RGSL1: variants seen among roughly 807,000 people sequenced by gnomAD.
The protein encoded by RGSL1 is regulator of G protein signaling like 1.
In RGSL1, 97 loss-of-function variants were observed where a neutral mutation model predicts 124.7. The observed-to-expected ratio is 0.78, with a 90% CI of 0.66 to 0.92. The LOEUF is 0.92. Ranked by LOEUF, RGSL1 falls within the 40% of genes least tolerant of loss-of-function variation. RGSL1 has a pLI of 0.00. For synonymous variants in RGSL1, 424 were observed against 438.1 expected, an observed-to-expected ratio of 0.97 and a Z score of 0.40; for missense variants, 1,233 against 1,288.4, an observed-to-expected ratio of 0.96 and a Z score of 0.66.
intron 6 of RGSL1, 31 bp from the exon 7 acceptor site, chr1:182,488,254 T>A: frequency 6.5e-7 from 1 of 1,547,054 alleles, no homozygotes; most frequent in Non-Finnish European, 8.8e-7. Flanking sequence ...ACCATCCACC[T>A]CATAATGCAT....
At chr1:182,469,975 G>A (rs1653689418) in intron 4 of RGSL1, among the ~76,000 whole-genome samples, 1 of 152,098 alleles carries the variant, frequency 6.6e-6, no homozygotes, top group Non-Finnish European at 1.5e-5. Flanking sequence ...AGAGAAAGAA[G>A]TAGAATGGTG....
At chr1:182,484,890 T>C (rs915503577) in intron 6 of RGSL1, among the ~76,000 whole-genome samples, 20 of 152,154 alleles carry the variant, frequency 1.3e-4, no homozygotes, top group Non-Finnish European at 2.8e-4. Flanking sequence ...GGGGGTGGTT[T>C]GGCAGCAGTT....
chr1:182,523,144 C>T (rs561439280), intron 10 of RGSL1, among the ~76,000 whole-genome samples: 2 of 151,890 alleles, frequency 1.3e-5, no homozygotes, highest in South Asian at 4.2e-4. Flanking sequence ...TCAAGTGATC[C>T]ACGTGCTTCA....
intron 6 of RGSL1, among the ~76,000 whole-genome samples, chr1:182,487,468 T>C (rs188133815): frequency 1.3e-5 from 2 of 152,322 alleles, no homozygotes; most frequent in Admixed American, 6.5e-5. Flanking sequence ...CCTATCCCGA[T>C]GCCTTTGCTT....
At chr1:182,522,501 G>T (rs1431526755) in intron 10 of RGSL1, among the ~76,000 whole-genome samples, 1 of 152,034 alleles carries the variant, frequency 6.6e-6, no homozygotes, top group African/African-American at 2.4e-5. Flanking sequence ...TCTGGATTAT[G>T]TACTGCTGTA....
At chr1:182,547,560 G>T (rs1660289731) in intron 15 of RGSL1, among the ~76,000 whole-genome samples, 1 of 151,988 alleles carries the variant, frequency 6.6e-6, no homozygotes, top group South Asian at 2.1e-4. Flanking sequence ...TTATTCTCCT[G>T]CCTAAAATGT....
chr1:182,508,672 G>T (rs71516936), intron 9 of RGSL1, among the ~76,000 whole-genome samples: 141 of 13,778 alleles, frequency 0.01, 10 homozygotes, highest in South Asian at 0.024. Context: ...TTGACTATTT[G>T]TTTTTTTTTT....
intron 18 of RGSL1, among the ~76,000 whole-genome samples, chr1:182,552,117 A>AT (rs202109914): frequency 0.15 from 21,432 of 146,524 alleles, 1,860 homozygotes; most frequent in Middle Eastern, 0.24. Flanking sequence ...GCAAAAGGGA[A>AT]TTTTTTTTTT....
At chr1:182,529,291 C>T (rs565260371) in intron 11 of RGSL1, among the ~76,000 whole-genome samples, 56 of 152,274 alleles carry the variant, frequency 3.7e-4, no homozygotes, top group Middle Eastern at 3.4e-3. Flanking sequence ...AGCTTGTACA[C>T]TTGGTAGAAC....
rs1351943861 is a variant in RGSL1, at chr1:182,509,530, G to A, written c.1826-12474G>A. ...TCCCTCCCGGACGGGGCAGCTGGCC[G>A]GGTGGGGGGGCTGACGCCCCCATCT... On this transcript the variant is annotated intron_variant, in intron 9 of 21. Coordinates refer to ENST00000294854, the MANE Select transcript of RGSL1 (RefSeq NM_001137669.2). Among the ~76,000 whole-genome samples, 9 of 103,724 alleles carry A rather than the reference G, an allele frequency of 8.7e-5. No homozygotes were observed. In the East Asian group the frequency reaches 1.0e-3, roughly 12 times the overall value. 68.0% of individuals were successfully genotyped at this position (103,724 alleles called of 152,430 possible).
Position 182,554,698 on chromosome 1 carries a change from G to C in RGSL1, c.3197+5G>C. On this transcript the variant is annotated splice_donor_5th_base_variant and intron_variant, in intron 20 of 21. Coordinates refer to ENST00000294854, the MANE Select transcript of RGSL1 (RefSeq NM_001137669.2). Reference sequence around the variant, plus strand: ...GCAGCTGCATCCCGTCCAGGGGTAGGCATGAGCTGGAAATCCTCTTCTTCA... The same window carrying C: ...GCAGCTGCATCCCGTCCAGGGGTAGCCATGAGCTGGAAATCCTCTTCTTCA... 1.3e-6 allele frequency: 2 copies of C among 1,551,526 alleles called. No homozygotes were observed. Among genetic ancestry groups the C allele is most frequent in the Non-Finnish European group, 8.7e-7 (1 of 1,146,916 alleles).
chr1:182,530,938 C>T, intron 13 of RGSL1, 28 bp downstream of exon 13: 1 of 1,535,392 alleles, frequency 6.5e-7, no homozygotes, highest in Non-Finnish European at 8.8e-7. Context: ...TGAAACAAGA[C>T]ATTAGAGACA....
intron 9 of RGSL1, among the ~76,000 whole-genome samples, chr1:182,503,738 T>A (rs1656578895): frequency 6.6e-6 from 1 of 152,154 alleles, no homozygotes; most frequent in Admixed American, 6.5e-5. Context: ...CGTACATTTT[T>A]AAATAACTAA....
intron 6 of RGSL1, among the ~76,000 whole-genome samples, chr1:182,485,666 C>CCA: frequency 6.6e-6 from 1 of 152,298 alleles, no homozygotes; most frequent in Admixed American, 6.5e-5. Flanking sequence ...GGTCTCACTG[C>CCA]TATTTACTGA....
At chr1:182,530,099 A>G (rs2102266472) in intron 11 of RGSL1, 145 bp from the exon 12 acceptor site, 1 of 601,668 alleles carries the variant, frequency 1.7e-6, no homozygotes, top group Admixed American at 3.1e-5. Flanking sequence ...AGATTTTCAA[A>G]CAAACTATGG....
intron 9 of RGSL1, among the ~76,000 whole-genome samples, chr1:182,506,342 C>T (rs2102169122): frequency 6.6e-6 from 1 of 152,206 alleles, no homozygotes; most frequent in South Asian, 2.1e-4. Context: ...TTGTGGTTTT[C>T]ATTGCTATCA....
At chr1:182,519,054 T>C (rs1212288162) in intron 9 of RGSL1, among the ~76,000 whole-genome samples, 1 of 152,058 alleles carries the variant, frequency 6.6e-6, no homozygotes, top group Admixed American at 6.6e-5. Flanking sequence ...TCTCTGGTCA[T>C]GTGTTTTCTT....
intron 9 of RGSL1, among the ~76,000 whole-genome samples, chr1:182,506,882 T>C (rs1353201692): frequency 6.6e-6 from 1 of 152,194 alleles, no homozygotes; most frequent in Admixed American, 6.5e-5. Flanking sequence ...ATATTTGTTT[T>C]TCCTTGCACT....
intron 5 of RGSL1, 92 bp from the exon 6 acceptor site, chr1:182,473,483 G>A: frequency 2.2e-6 from 3 of 1,353,584 alleles, no homozygotes; most frequent in Admixed American, 2.9e-5. Context: ...TATATACAAA[G>A]ACATTTGAAA....
Sources: gnomAD v4.1 joint callset for allele counts (sites outside exome capture counted in the v4.1 genomes callset) on GRCh38, gnomAD v4.1.1 for gene constraint, MANE v1.5 for transcripts, NCBI Gene and HGNC (gene_info 2026-07-23, HGNC 2026-07-21) for gene names.